Variants in LINGO2 observed in about 807,000 individuals in gnomAD.
The protein encoded by LINGO2 is leucine rich repeat and Ig domain containing 2.
A neutral mutation model predicts 30.6 loss-of-function variants in LINGO2; 14 were observed. The ratio of observed to expected loss-of-function variants is 0.46; its 90% CI spans 0.30 to 0.72. LINGO2 has a LOEUF of 0.72. Ranked by LOEUF, LINGO2 falls within the 30% of genes least tolerant of loss-of-function variation. The probability of loss-of-function intolerance (pLI) is 0.07; values close to 1 mark genes in which losing one functional copy is unlikely to be tolerated. For synonymous variants in LINGO2, 317 were observed against 288.5 expected (o/e 1.10, Z -1.00); for missense variants, 729 against 751.7 (o/e 0.97, Z 0.35).
chr9:28,107,850 A>C (rs931405300), intron 4 of LINGO2, among the ~76,000 whole-genome samples: 1 of 152,102 alleles, frequency 6.6e-6, no homozygotes, highest in African/African-American at 2.4e-5. Flanking sequence ...AAAATAGGTA[A>C]GTCATCAAAG....
the LINGO2 span, among the ~76,000 whole-genome samples, chr9:28,907,271 T>G: frequency 6.6e-6 from 1 of 151,948 alleles, no homozygotes; most frequent in African/African-American, 2.4e-5. Flanking sequence ...GAAGACTTTA[T>G]GAAAGAGATG....
chr9:28,611,357 G>T (rs530784589), intron 1 of LINGO2, among the ~76,000 whole-genome samples: 1 of 152,120 alleles, frequency 6.6e-6, no homozygotes, highest in South Asian at 2.1e-4. Context: ...ATTTGTGTGT[G>T]TGTGTGTGTG....
At chr9:28,043,067 C>T (rs913408183) in intron 4 of LINGO2, among the ~76,000 whole-genome samples, 1 of 152,186 alleles carries the variant, frequency 6.6e-6, no homozygotes, top group Non-Finnish European at 1.5e-5. Context: ...CAAATTGGGG[C>T]ACCCTGCCTG....
the LINGO2 span, among the ~76,000 whole-genome samples, chr9:28,903,466 C>A: frequency 1.1e-4 from 16 of 152,198 alleles, no homozygotes; most frequent in South Asian, 1.2e-3. Context: ...TTCATTCATT[C>A]ATCCATCCAT....
At chr9:28,681,049 T>C in the LINGO2 span, among the ~76,000 whole-genome samples, 1 of 152,154 alleles carries the variant, frequency 6.6e-6, no homozygotes, top group Non-Finnish European at 1.5e-5. Context: ...TTCCATGTCT[T>C]CTTCAAGTAG....
At chr9:28,377,414 C>A (rs1244119338) in intron 2 of LINGO2, among the ~76,000 whole-genome samples, 3 of 152,144 alleles carry the variant, frequency 2.0e-5, no homozygotes, top group African/African-American at 7.2e-5. Flanking sequence ...ATACAGCATA[C>A]AATACATATA....
the LINGO2 span, among the ~76,000 whole-genome samples, chr9:28,683,926 G>T: frequency 1.3e-5 from 2 of 152,014 alleles, no homozygotes; most frequent in African/African-American, 4.8e-5. Context: ...TCAAATAACA[G>T]ACTTGTTATT....
intron 4 of LINGO2, among the ~76,000 whole-genome samples, chr9:28,111,435 C>T (rs555644165): frequency 6.6e-6 from 1 of 151,876 alleles, no homozygotes; most frequent in African/African-American, 2.4e-5. Context: ...AACGAAGAGG[C>T]TGACATCATG....
chr9:27,948,872 C>A, exon 6 of LINGO2: 2 of 1,608,768 alleles, frequency 1.2e-6, no homozygotes, highest in Non-Finnish European at 1.7e-6. Context: ...TCATGTTGAA[C>A]CTCCTGGGTC....
the LINGO2 span, among the ~76,000 whole-genome samples, chr9:29,075,216 A>G: frequency 6.6e-6 from 1 of 152,194 alleles, no homozygotes; most frequent in African/African-American, 2.4e-5. Flanking sequence ...AAATAAACTC[A>G]AAAGTACGTC....
chr9:28,692,493 TA>T, the LINGO2 span, among the ~76,000 whole-genome samples: 1 of 151,952 alleles, frequency 6.6e-6, no homozygotes, highest in Non-Finnish European at 1.5e-5. Flanking sequence ...AAAACAAAAA[TA>T]AAAATAAAGT....
At chr9:27,980,819 A>G (rs1329488259) in intron 5 of LINGO2, among the ~76,000 whole-genome samples, 1 of 151,844 alleles carries the variant, frequency 6.6e-6, no homozygotes, top group South Asian at 2.1e-4. Flanking sequence ...GGATAAGGCA[A>G]TAGGGGAAGT....
At chr9:28,163,325 G>C (rs1045906285) in intron 4 of LINGO2, among the ~76,000 whole-genome samples, 5 of 152,152 alleles carry the variant, frequency 3.3e-5, no homozygotes, top group African/African-American at 1.2e-4. Flanking sequence ...CAGACGTTGA[G>C]TGTGTGAGTA....
intron 1 of LINGO2, among the ~76,000 whole-genome samples, chr9:28,521,651 G>A (rs981598070): frequency 6.6e-6 from 1 of 152,182 alleles, no homozygotes; most frequent in Admixed American, 6.5e-5. Flanking sequence ...TGCAAGTGGG[G>A]TGTATGCAGG....
chr9:28,028,070 AGAG>A (rs1823471317), intron 4 of LINGO2, among the ~76,000 whole-genome samples: 3 of 152,310 alleles, frequency 2.0e-5, no homozygotes, highest in African/African-American at 4.8e-5. Context: ...CCAAGAATTC[AGAG>A]AAGAAAATAG....
chr9:28,079,522 T>C (rs1825716864), intron 4 of LINGO2, among the ~76,000 whole-genome samples: 1 of 152,232 alleles, frequency 6.6e-6, no homozygotes, highest in South Asian at 2.1e-4. Context: ...GTCCCCTTCC[T>C]ACACTTTTTG....
intron 1 of LINGO2, among the ~76,000 whole-genome samples, chr9:28,579,387 T>C (rs943601860): frequency 6.6e-6 from 1 of 152,076 alleles, no homozygotes; most frequent in African/African-American, 2.4e-5. Flanking sequence ...GGAAACCGTA[T>C]TGGTCATTCA....
intron 4 of LINGO2, among the ~76,000 whole-genome samples, chr9:28,107,592 AG>A (rs943248278): frequency 1.3e-5 from 2 of 152,148 alleles, no homozygotes; most frequent in Non-Finnish European, 2.9e-5. Context: ...TAGTTCCAAT[AG>A]TTGTACATTT....
intron 1 of LINGO2, among the ~76,000 whole-genome samples, chr9:28,522,390 C>T (rs1820859359): frequency 6.6e-6 from 1 of 151,898 alleles, no homozygotes; most frequent in South Asian, 2.1e-4. Context: ...TCCATGGTAC[C>T]AAAGACAATA....
Sources: allele counts gnomAD v4.1 joint callset (sites outside exome capture counted in the v4.1 genomes callset), GRCh38; gene constraint gnomAD v4.1.1; transcripts MANE v1.5; gene names NCBI Gene and HGNC (gene_info 2026-07-23, HGNC 2026-07-21).